Variants in SLC25A21 observed in about 807,000 individuals in gnomAD.
SLC25A21 encodes mitochondrial 2-oxodicarboxylate carrier.
SLC25A21 carries 47 observed loss-of-function variants against 43.8 expected under a neutral mutation model. The observed-to-expected ratio is 1.07, with a 90% CI of 0.85 to 1.37. The LOEUF (loss-of-function observed/expected upper bound fraction) is 1.37, where lower values mean the gene tolerates loss of function less well. SLC25A21 is among the 40% of genes most tolerant of loss of function. The probability of loss-of-function intolerance (pLI) is 0.00; values close to 1 mark genes in which losing one functional copy is unlikely to be tolerated. For synonymous variants in SLC25A21, 131 were observed against 121.3 expected (o/e 1.08, Z -0.52); for missense variants, 352 against 350.2 (o/e 1.00, Z -0.04).
chr14:36,792,479 C>T (rs541397929), intron 3 of SLC25A21, among the ~76,000 whole-genome samples: 43 of 152,248 alleles, frequency 2.8e-4, no homozygotes, highest in African/African-American at 6.0e-4. Flanking sequence ...CTGTAACATA[C>T]CCCTCCCTCA....
At chr14:37,024,840 T>C (rs2138759291) in intron 1 of SLC25A21, among the ~76,000 whole-genome samples, 1 of 152,196 alleles carries the variant, frequency 6.6e-6, no homozygotes, top group South Asian at 2.1e-4. Context: ...TATATATATC[T>C]AGCTTCAGAA....
intron 1 of SLC25A21, among the ~76,000 whole-genome samples, chr14:37,020,997 G>A (rs758207314): frequency 2.6e-5 from 4 of 151,916 alleles, no homozygotes; most frequent in South Asian, 2.1e-4. Context: ...TAAGCCAGAC[G>A]TTTCCTGAGG....
intron 3 of SLC25A21, among the ~76,000 whole-genome samples, chr14:36,735,238 C>T (rs1429504680): frequency 3.3e-5 from 5 of 151,964 alleles, no homozygotes; most frequent in Admixed American, 2.0e-4. Flanking sequence ...CCAGTGTTGA[C>T]GGGCAACATG....
At chr14:36,934,368 A>G (rs908331241) in intron 1 of SLC25A21, among the ~76,000 whole-genome samples, 3 of 151,958 alleles carry the variant, frequency 2.0e-5, no homozygotes, top group Non-Finnish European at 2.9e-5. Context: ...CACAAATTCT[A>G]GTAAGTAACA....
chr14:37,005,996 T>G (rs548765885), intron 1 of SLC25A21, among the ~76,000 whole-genome samples: 3 of 152,292 alleles, frequency 2.0e-5, no homozygotes, highest in South Asian at 2.1e-4. Context: ...GACTTCAGAA[T>G]CATGCATACT....
intron 1 of SLC25A21, among the ~76,000 whole-genome samples, chr14:37,045,426 G>T (rs1167400311): frequency 6.6e-6 from 1 of 152,050 alleles, no homozygotes; most frequent in Non-Finnish European, 1.5e-5. Flanking sequence ...TGAATGAAAA[G>T]ACAAACTGCT....
chr14:36,782,768 C>T (rs560694288), intron 3 of SLC25A21, among the ~76,000 whole-genome samples: 1,817 of 127,620 alleles, frequency 0.014, 42 homozygotes, highest in African/African-American at 0.051. Flanking sequence ...CACATGGACA[C>T]AGGAAGGGGA....
intron 2 of SLC25A21, among the ~76,000 whole-genome samples, chr14:36,823,941 A>G (rs712349): frequency 0.087 from 13,280 of 152,124 alleles, 772 homozygotes; most frequent in Non-Finnish European, 0.13. Flanking sequence ...AGCTTCCATA[A>G]TGGATTTCCA....
chr14:36,876,653 A>G (rs1252513192), intron 1 of SLC25A21, among the ~76,000 whole-genome samples: 1 of 152,074 alleles, frequency 6.6e-6, no homozygotes, highest in African/African-American at 2.4e-5. Context: ...CCCCCAAAGT[A>G]AGAATCAGGT....
chr14:36,820,574 C>T (rs1261395021), intron 2 of SLC25A21, among the ~76,000 whole-genome samples: 1 of 152,172 alleles, frequency 6.6e-6, no homozygotes, highest in Admixed American at 6.5e-5. Flanking sequence ...ACAGTGTAAA[C>T]TGGTGAGATT....
chr14:37,170,256 G>A (rs573634932), intron 1 of SLC25A21, among the ~76,000 whole-genome samples: 5 of 151,260 alleles, frequency 3.3e-5, no homozygotes, highest in African/African-American at 7.3e-5. Flanking sequence ...GGATGGTCTC[G>A]ATCTCTTGAC....
intron 1 of SLC25A21, among the ~76,000 whole-genome samples, chr14:36,904,750 C>G (rs576682619): frequency 6.6e-6 from 1 of 152,134 alleles, no homozygotes; most frequent in African/African-American, 2.4e-5. Flanking sequence ...CATCAGATCT[C>G]TTGGGAACTC....
chr14:36,821,533 CTGGCTGGGTGTGG>C (rs1201718143), intron 2 of SLC25A21, among the ~76,000 whole-genome samples: 1 of 152,092 alleles, frequency 6.6e-6, no homozygotes, highest in Non-Finnish European at 1.5e-5. Context: ...ATAATCTACA[CTGGCTGGGTGTGG>C]TGGCTCGCAC....
intron 1 of SLC25A21, among the ~76,000 whole-genome samples, chr14:36,942,871 T>C (rs757654269): frequency 2.9e-4 from 44 of 152,222 alleles, no homozygotes; most frequent in South Asian, 1.4e-3. Flanking sequence ...TAAAATATTA[T>C]GTGCAGAGGT....
At chr14:36,687,412 TG>T (rs1882604616) in intron 7 of SLC25A21, among the ~76,000 whole-genome samples, 1 of 152,100 alleles carries the variant, frequency 6.6e-6, no homozygotes, top group African/African-American at 2.4e-5. Context: ...GCCTGCAAGT[TG>T]TTTAAAAAGC....
chr14:37,099,599 C>T (rs1018135741), intron 1 of SLC25A21, among the ~76,000 whole-genome samples: 4 of 152,010 alleles, frequency 2.6e-5, no homozygotes, highest in Non-Finnish European at 5.9e-5. Context: ...CCCCCGCCAC[C>T]GACTCCCCCT....
intron 9 of SLC25A21, 44 bp from the exon 10 acceptor site, chr14:36,680,763 T>C (rs1252132404): frequency 1.2e-5 from 18 of 1,563,102 alleles, no homozygotes; most frequent in Non-Finnish European, 1.6e-5. Context: ...TCCTCTGGAA[T>C]AGCACTGGCT....
chr14:36,681,892 C>T (rs1882282787), intron 9 of SLC25A21, among the ~76,000 whole-genome samples: 1 of 152,198 alleles, frequency 6.6e-6, no homozygotes, highest in Admixed American at 6.5e-5. Context: ...AAAAGAGCTG[C>T]ACTACAGAGG....
intron 7 of SLC25A21, among the ~76,000 whole-genome samples, chr14:36,707,363 C>T (rs1321917255): frequency 6.6e-6 from 1 of 152,152 alleles, no homozygotes; most frequent in Non-Finnish European, 1.5e-5. Flanking sequence ...ATTGCATCTC[C>T]TGGTGCTTGG....
Sources: gnomAD v4.1 joint callset for allele counts (sites outside exome capture counted in the v4.1 genomes callset) on GRCh38, gnomAD v4.1.1 for gene constraint, MANE v1.5 for transcripts, NCBI Gene and HGNC (gene_info 2026-07-23, HGNC 2026-07-21) for gene names.